Variants in MARK3 observed in about 807,000 individuals in gnomAD.
The protein encoded by MARK3 is microtubule affinity regulating kinase 3.
A neutral mutation model predicts 90.1 loss-of-function variants in MARK3; 46 were observed. That is an observed-to-expected ratio of 0.51 (90% CI 0.40 to 0.65). The LOEUF (loss-of-function observed/expected upper bound fraction) is 0.65, where lower values mean the gene tolerates loss of function less well. Ranked by LOEUF, MARK3 falls within the 30% of genes least tolerant of loss-of-function variation. The pLI, the probability that MARK3 is intolerant of heterozygous loss-of-function variation, is 0.00. For missense variants in MARK3, 818 were observed against 947.2 expected (o/e 0.86, Z 1.79); for synonymous variants, 321 against 332.6 (o/e 0.97, Z 0.38).
At chr14:103,447,656 C>G (rs1279539459) in intron 3 of MARK3, among the ~76,000 whole-genome samples, 1 of 152,152 alleles carries the variant, frequency 6.6e-6, no homozygotes, top group Non-Finnish European at 1.5e-5. Flanking sequence ...GTTATATTAA[C>G]CCAGGCCATA....
At chr14:103,449,023 C>T in intron 4 of MARK3, 56 bp downstream of exon 4, 1 of 1,483,630 alleles carries the variant, frequency 6.7e-7, no homozygotes, top group South Asian at 1.2e-5. Context: ...GAAATTATGT[C>T]ATAAAGCTAA....
At chr14:103,414,431 C>T (rs913424485) in intron 2 of MARK3, among the ~76,000 whole-genome samples, 2 of 152,264 alleles carry the variant, frequency 1.3e-5, no homozygotes, top group East Asian at 3.9e-4. Flanking sequence ...TCTTGAACTC[C>T]CGACCTCAGA....
At chr14:103,444,491 G>C (rs776199079) in intron 3 of MARK3, among the ~76,000 whole-genome samples, 6 of 152,198 alleles carry the variant, frequency 3.9e-5, no homozygotes, top group Non-Finnish European at 8.8e-5. Flanking sequence ...TAAGATAGTA[G>C]AAATAGGCTG....
At chr14:103,391,709 ATTTTTTTTTTTTTT>A (rs71126012) in intron 1 of MARK3, among the ~76,000 whole-genome samples, 3 of 69,684 alleles carry the variant, frequency 4.3e-5, no homozygotes, top group Non-Finnish European at 7.3e-5. Flanking sequence ...ATGCCTGGCT[ATTTTTTTTTTTTTT>A]TTTTTTTTTT....
At chr14:103,488,370 T>C (rs1384003090) in intron 14 of MARK3, among the ~76,000 whole-genome samples, 1 of 152,148 alleles carries the variant, frequency 6.6e-6, no homozygotes, top group Non-Finnish European at 1.5e-5. Flanking sequence ...GTCTCCTTGA[T>C]CTGTGTGGGG....
rs2090657022 is a variant in MARK3 at position 103,397,489 on chromosome 14, G to A, written c.52-7587G>A. Reference sequence around the variant, plus strand: ...CTACAGGCACCCGCCACCATGCCTGGCTAATTTTTTTATTTTTAGTAGAGA... The same window carrying A: ...CTACAGGCACCCGCCACCATGCCTGACTAATTTTTTTATTTTTAGTAGAGA... On this transcript the variant is annotated intron_variant, in intron 1 of 17. Transcript: ENST00000429436. 2.0e-5 allele frequency among the ~76,000 whole-genome samples: 3 copies of A among 152,042 alleles called. No individual in the cohort carries two copies. The South Asian group carries it at 6.2e-4, about 32-fold the overall frequency.
chr14:103,495,240 GCAGGTAGAT>G (rs1195645202), intron 15 of MARK3, among the ~76,000 whole-genome samples: 1 of 152,178 alleles, frequency 6.6e-6, no homozygotes, highest in South Asian at 2.1e-4. Flanking sequence ...GGAGGCCAAG[GCAGGTAGAT>G]CAGGTAGATC....
At chr14:103,472,936 G>A (rs530255428) in intron 12 of MARK3, among the ~76,000 whole-genome samples, 3 of 151,780 alleles carry the variant, frequency 2.0e-5, no homozygotes. Context: ...AACCTGGGAG[G>A]TGGAGGTTGC....
At chr14:103,397,630 C>G (rs1339596891) in intron 1 of MARK3, among the ~76,000 whole-genome samples, 1 of 152,074 alleles carries the variant, frequency 6.6e-6, no homozygotes, top group South Asian at 2.1e-4. Context: ...TGGCCTGAAT[C>G]AAGATTTTTT....
chr14:103,406,399 T>A (rs1221022329), intron 2 of MARK3, among the ~76,000 whole-genome samples: 3 of 150,732 alleles, frequency 2.0e-5, no homozygotes, highest in African/African-American at 7.3e-5. Context: ...TAATTATTTT[T>A]TTTTTTTTTG....
intron 3 of MARK3, chr14:103,429,262 C>T (rs2141051190): frequency 6.6e-6 from 1 of 152,338 alleles, no homozygotes; most frequent in Admixed American, 6.5e-5. Context: ...GAATTTCAGT[C>T]CTGGCTCTGC....
chr14:103,465,499 CATAATT>C, intron 7 of MARK3, 52 bp from the exon 8 acceptor site: 5 of 1,221,522 alleles, frequency 4.1e-6, no homozygotes, highest in Non-Finnish European at 6.1e-6. Flanking sequence ...CTAATCCTGT[CATAATT>C]CTAATTCTAT....
chr14:103,443,101 C>T (rs1319228954), intron 3 of MARK3, among the ~76,000 whole-genome samples: 3 of 152,154 alleles, frequency 2.0e-5, no homozygotes, highest in Non-Finnish European at 4.4e-5. Flanking sequence ...TTTTCTGCAA[C>T]TCTGAAAAAT....
chr14:103,430,061 G>A (rs1167865646), intron 3 of MARK3, among the ~76,000 whole-genome samples: 1 of 151,926 alleles, frequency 6.6e-6, no homozygotes, highest in Non-Finnish European at 1.5e-5. Flanking sequence ...TCAGTTTAGT[G>A]CATGGTAGTT....
chr14:103,404,168 AAGC>A (rs1272793599), intron 1 of MARK3, among the ~76,000 whole-genome samples: 20 of 152,238 alleles, frequency 1.3e-4, no homozygotes, highest in African/African-American at 4.8e-4. Context: ...GTAAATTACA[AAGC>A]AGTTTATTAG....
chr14:103,408,736 G>T (rs1047379150), intron 2 of MARK3, among the ~76,000 whole-genome samples: 5 of 152,140 alleles, frequency 3.3e-5, no homozygotes, highest in African/African-American at 1.2e-4. Context: ...AAAAGGTTGG[G>T]AAGCACTGGA....
chr14:103,489,693 C>T (rs1329808132), intron 14 of MARK3: 1 of 152,136 alleles, frequency 6.6e-6, no homozygotes, highest in Non-Finnish European at 1.5e-5. Flanking sequence ...GGTTTTAATC[C>T]TTCCAAAGGA....
intron 12 of MARK3, among the ~76,000 whole-genome samples, chr14:103,474,070 T>C (rs1235365200): frequency 6.7e-6 from 1 of 149,198 alleles, no homozygotes; most frequent in Non-Finnish European, 1.5e-5. Context: ...AAAAATTAGT[T>C]GGCATGCGCC....
chr14:103,443,187 T>A (rs2092906598), intron 3 of MARK3, among the ~76,000 whole-genome samples: 1 of 152,186 alleles, frequency 6.6e-6, no homozygotes, highest in Non-Finnish European at 1.5e-5. Flanking sequence ...AAAGAATCGA[T>A]ACACATCAGT....
Sources: allele counts gnomAD v4.1 joint callset (sites outside exome capture counted in the v4.1 genomes callset), GRCh38; gene constraint gnomAD v4.1.1; transcripts MANE v1.5; gene names NCBI Gene and HGNC (gene_info 2026-07-23, HGNC 2026-07-21).